The following RALYL variants were observed in gnomAD, a reference collection of about 807,000 sequenced individuals.
The protein encoded by RALYL is RALY RNA binding protein like, also known as RNA-binding Raly-like protein.
In RALYL, 29 loss-of-function variants were observed where a neutral mutation model predicts 35.1. The ratio of observed to expected loss-of-function variants is 0.83; its 90% CI spans 0.61 to 1.13. The LOEUF (loss-of-function observed/expected upper bound fraction) is 1.13, where lower values mean the gene tolerates loss of function less well. Among genes scored for constraint, RALYL ranks in the 50% most tolerant of loss-of-function variants. The pLI, the probability that RALYL is intolerant of heterozygous loss-of-function variation, is 0.00. For missense variants in RALYL, 359 were observed against 360.4 expected, an observed-to-expected ratio of 1.00 and a Z score of 0.03; for synonymous variants, 120 against 127.6, an observed-to-expected ratio of 0.94 and a Z score of 0.40.
At chr8:84,512,261 A>G (rs547970122) in intron 1 of RALYL, among the ~76,000 whole-genome samples, 1 of 151,766 alleles carries the variant, frequency 6.6e-6, no homozygotes, top group Non-Finnish European at 1.5e-5. Context: ...TAACTAGGTA[A>G]GATTATATCT....
chr8:84,812,982 T>C (rs1275296890), intron 4 of RALYL, among the ~76,000 whole-genome samples: 2 of 152,214 alleles, frequency 1.3e-5, no homozygotes, highest in African/African-American at 4.8e-5. Context: ...GATTTCCTTC[T>C]GCCTGTGGTA....
At chr8:84,523,970 A>T (rs1159552759) in intron 1 of RALYL, among the ~76,000 whole-genome samples, 2 of 152,246 alleles carry the variant, frequency 1.3e-5, no homozygotes, top group Non-Finnish European at 2.9e-5. Flanking sequence ...ATGCTGCAAT[A>T]AACATACATG....
chr8:84,676,604 G>T (rs1316571360), intron 2 of RALYL, among the ~76,000 whole-genome samples: 1 of 152,024 alleles, frequency 6.6e-6, no homozygotes, highest in Non-Finnish European at 1.5e-5. Flanking sequence ...ACCATTTAAG[G>T]TCCCCACCCA....
chr8:84,745,124 G>A (rs959801868), intron 2 of RALYL, among the ~76,000 whole-genome samples: 5 of 151,140 alleles, frequency 3.3e-5, no homozygotes, highest in Non-Finnish European at 7.4e-5. Context: ...TGGTTCACCA[G>A]TCATCATGGT....
intron 1 of RALYL, among the ~76,000 whole-genome samples, chr8:84,204,287 T>C (rs1261994109): frequency 2.0e-5 from 3 of 152,158 alleles, no homozygotes; most frequent in East Asian, 1.9e-4. Flanking sequence ...CACAAAAATA[T>C]ATCTTTTTAT....
In RALYL at chr8:84,529,495, A is replaced by G; in HGVS notation, c.174A>G (p.Ala58=). 6.2e-7 allele frequency: 1 copy of G among 1,613,790 alleles called. No homozygotes were observed. Among genetic ancestry groups the G allele is most frequent in the African/African-American group, 1.3e-5 (1 of 75,040 alleles). ...GATGTTCCGTTCACAAAGGTTATGC[A>G]TTTGTACAGTACATGAGTGAGCGAC... is the stretch of plus-strand genomic sequence containing the variant. The part of the protein sequence containing the change: ...IVGCSVHKGY[A]FVQYMSERHA... Residue 58 remains alanine, a synonymous_variant, in exon 2 of 9, where the codon GCA becomes GCG. Coordinates refer to ENST00000521268, the MANE Select transcript of RALYL (RefSeq NM_173848.7).
intron 1 of RALYL, among the ~76,000 whole-genome samples, chr8:84,205,138 A>G (rs2131065991): frequency 6.6e-6 from 1 of 152,308 alleles, no homozygotes; most frequent in South Asian, 2.1e-4. Context: ...CGTTTTATAT[A>G]CATTGTTATA....
chr8:84,827,425 C>T (rs1167246149), intron 4 of RALYL, among the ~76,000 whole-genome samples: 1 of 152,024 alleles, frequency 6.6e-6, no homozygotes, highest in African/African-American at 2.4e-5. Context: ...ATGAGAATAA[C>T]ATCAAATTTT....
At chr8:84,834,694 A>T (rs1831593623) in intron 4 of RALYL, among the ~76,000 whole-genome samples, 2 of 152,238 alleles carry the variant, frequency 1.3e-5, no homozygotes, top group African/African-American at 2.4e-5. Flanking sequence ...GCTGACCAGC[A>T]ATAAATTGAT....
chr8:84,202,159 G>A (rs1284188001), intron 1 of RALYL, among the ~76,000 whole-genome samples: 1 of 149,652 alleles, frequency 6.7e-6, no homozygotes, highest in African/African-American at 2.5e-5. Context: ...AGTTTTGTAT[G>A]CACTTTTATT....
intron 2 of RALYL, among the ~76,000 whole-genome samples, chr8:84,587,254 G>A (rs575152119): frequency 5.7e-4 from 87 of 152,222 alleles, no homozygotes; most frequent in African/African-American, 1.4e-3. Context: ...TTTTTGAGGC[G>A]TAATGGCAAG....
At chr8:84,320,420 GTA>G (rs1844586473) in intron 1 of RALYL, among the ~76,000 whole-genome samples, 1 of 151,090 alleles carries the variant, frequency 6.6e-6, no homozygotes, top group African/African-American at 2.4e-5. Flanking sequence ...ATATATGTGT[GTA>G]TGTGTATATA....
chr8:84,378,440 C>G (rs918430627), intron 1 of RALYL, among the ~76,000 whole-genome samples: 2 of 151,738 alleles, frequency 1.3e-5, no homozygotes, highest in Admixed American at 1.3e-4. Context: ...ATGAATAATA[C>G]ATTTCATGTA....
Position 84,291,757 on chromosome 8 carries a change from A to G in RALYL, c.-24+107333A>G, listed in dbSNP as rs541421106. ...AAAAAGACTGTTTTGATCTTGAATT[A>G]TAACCAATAAAATGGCATTACGTTC... On this transcript the variant is annotated intron_variant, in intron 1 of 8. Coordinates refer to ENST00000521268, the MANE Select transcript of RALYL (RefSeq NM_173848.7). Among the ~76,000 whole-genome samples the G allele has an allele frequency of 7.9e-5, 12 of 152,050 alleles. No homozygotes were observed. The East Asian group carries it at 2.3e-3, about 29-fold the overall frequency.
At chr8:84,221,585 C>A (rs550155029) in intron 1 of RALYL, among the ~76,000 whole-genome samples, 5 of 151,852 alleles carry the variant, frequency 3.3e-5, no homozygotes, top group African/African-American at 1.2e-4. Flanking sequence ...AAAATAGTAC[C>A]CCAAAAAGAG....
At chr8:84,538,606 T>G (rs1048485432) in intron 2 of RALYL, among the ~76,000 whole-genome samples, 1 of 151,994 alleles carries the variant, frequency 6.6e-6, no homozygotes, top group Admixed American at 6.6e-5. Context: ...AGTAAAATAA[T>G]AAAACAAAAT....
chr8:84,831,231 T>C (rs1586621622), intron 4 of RALYL, among the ~76,000 whole-genome samples: 1 of 152,272 alleles, frequency 6.6e-6, no homozygotes, highest in East Asian at 1.9e-4. Context: ...AAGAAATCTA[T>C]AGGAATCCAT....
At chr8:84,802,851 G>GACTA (rs771316631) in intron 3 of RALYL, among the ~76,000 whole-genome samples, 1 of 152,120 alleles carries the variant, frequency 6.6e-6, no homozygotes, top group African/African-American at 2.4e-5. Context: ...ATTTCGGAGA[G>GACTA]ACTAACTAGG....
intron 2 of RALYL, among the ~76,000 whole-genome samples, chr8:84,585,323 G>T (rs1275797859): frequency 2.6e-5 from 4 of 151,982 alleles, no homozygotes; most frequent in African/African-American, 9.7e-5. Flanking sequence ...CTAATTCAGT[G>T]CTGTGTATAT....
Sources: gnomAD v4.1 joint callset for allele counts (sites outside exome capture counted in the v4.1 genomes callset) on GRCh38, gnomAD v4.1.1 for gene constraint, MANE v1.5 for transcripts, NCBI Gene and HGNC (gene_info 2026-07-23, HGNC 2026-07-21) for gene names.